Variants in NFATC1 observed in about 807,000 individuals in gnomAD.
The protein encoded by NFATC1 is nuclear factor of activated T cells 1.
NFATC1 carries 22 observed loss-of-function variants against 76.0 expected under a neutral mutation model. That is an observed-to-expected ratio of 0.29 (90% CI 0.21 to 0.41). The LOEUF is 0.41. NFATC1 is among the 10% of genes least tolerant of loss of function. The pLI, the probability that NFATC1 is intolerant of heterozygous loss-of-function variation, is 1.00. For synonymous variants in NFATC1, 704 were observed against 613.1 expected (o/e 1.15, Z -2.19); for missense variants, 1,357 against 1,337.7 (o/e 1.01, Z -0.23).
intron 2 of NFATC1, among the ~76,000 whole-genome samples, chr18:79,429,365 G>A (rs916387931): frequency 6.6e-6 from 1 of 151,976 alleles, no homozygotes; most frequent in East Asian, 1.9e-4. Flanking sequence ...AATTTCACCC[G>A]AGCTTTTTTT....
rs1471908907 is a variant in NFATC1 at position 79,453,890 on chromosome 18, G to T, written c.1903+2074G>T. On this transcript the variant is annotated intron_variant, in intron 6 of 9. Coordinates refer to ENST00000427363, the MANE Select transcript of NFATC1 (RefSeq NM_001278669.2). Reference sequence around the variant, plus strand: ...CACATAATTTTCTTCCTCCACTTCCGGCTTCTCAGGCGGGAGCCGTTGCTT... The same window carrying T: ...CACATAATTTTCTTCCTCCACTTCCTGCTTCTCAGGCGGGAGCCGTTGCTT... 2.0e-5 allele frequency among the ~76,000 whole-genome samples: 3 copies of T among 152,180 alleles called. No homozygotes were observed. The East Asian group carries it at 5.8e-4, about 29-fold the overall frequency.
chr18:79,446,652 TC>T (rs2087218497), intron 3 of NFATC1, among the ~76,000 whole-genome samples: 1 of 152,112 alleles, frequency 6.6e-6, no homozygotes, highest in Non-Finnish European at 1.5e-5. Flanking sequence ...GGTCCCAGCG[TC>T]CCCCGTCCTG....
At chr18:79,491,741 C>T (rs949737193) in intron 9 of NFATC1, among the ~76,000 whole-genome samples, 12 of 152,188 alleles carry the variant, frequency 7.9e-5, no homozygotes, top group Non-Finnish European at 1.5e-4. Flanking sequence ...CAGCCCTCTG[C>T]GAACCAAGCA....
chr18:79,476,973 TCGGA>T (rs1280770120), intron 8 of NFATC1, among the ~76,000 whole-genome samples: 1 of 152,218 alleles, frequency 6.6e-6, no homozygotes, highest in African/African-American at 2.4e-5. Flanking sequence ...CGGATGGAGT[TCGGA>T]AGGACCCTTC....
At chr18:79,462,347 T>G (rs1232040273) in intron 7 of NFATC1, among the ~76,000 whole-genome samples, 1 of 152,148 alleles carries the variant, frequency 6.6e-6, no homozygotes, top group African/African-American at 2.4e-5. Context: ...TTTGTTTTTG[T>G]TTTTTTGAAA....
intron 3 of NFATC1, among the ~76,000 whole-genome samples, chr18:79,436,203 C>T (rs1308919417): frequency 4.6e-5 from 7 of 152,240 alleles, no homozygotes; most frequent in Admixed American, 1.3e-4. Flanking sequence ...GCCCCTTTCC[C>T]GCTTTTCAGA....
intron 8 of NFATC1, among the ~76,000 whole-genome samples, chr18:79,475,446 GCTCA>G (rs955283195): frequency 1.3e-5 from 2 of 148,336 alleles, no homozygotes; most frequent in African/African-American, 5.0e-5. Context: ...GTGTTCTCAC[GCTCA>G]CTGTCAACGT....
intron 9 of NFATC1, among the ~76,000 whole-genome samples, chr18:79,511,394 A>G (rs2145174941): frequency 6.6e-6 from 1 of 152,224 alleles, no homozygotes; most frequent in Admixed American, 6.5e-5. Flanking sequence ...TACCTCCGTG[A>G]CTTTTCTATT....
chr18:79,464,682 G>GTATATATA (rs749147876), intron 7 of NFATC1, among the ~76,000 whole-genome samples: 4 of 100,802 alleles, frequency 4.0e-5, no homozygotes, highest in African/African-American at 1.8e-4. Context: ...ATATGTATGT[G>GTATATATA]TATATATATA....
At chr18:79,459,892 C>T (rs1568988662) in intron 6 of NFATC1, among the ~76,000 whole-genome samples, 1 of 152,212 alleles carries the variant, frequency 6.6e-6, no homozygotes, top group Non-Finnish European at 1.5e-5. Flanking sequence ...CCTGTGGCAT[C>T]AGCACCTGTG....
chr18:79,486,144 G>A, intron 8 of NFATC1, 104 bp from the exon 9 acceptor site: 2 of 1,017,510 alleles, frequency 2.0e-6, no homozygotes, highest in Non-Finnish European at 1.5e-6. Flanking sequence ...GAGGGACCCA[G>A]TCAGGGCCCT....
At chr18:79,430,387 G>C (rs1477810182) in intron 2 of NFATC1, among the ~76,000 whole-genome samples, 1 of 151,984 alleles carries the variant, frequency 6.6e-6, no homozygotes, top group Non-Finnish European at 1.5e-5. Context: ...TTTTGTTTTT[G>C]GTTTGTTTGT....
At chr18:79,419,914 T>C (rs897335057) in intron 2 of NFATC1, among the ~76,000 whole-genome samples, 2 of 152,228 alleles carry the variant, frequency 1.3e-5, no homozygotes, top group African/African-American at 4.8e-5. Flanking sequence ...TAACGTTTTT[T>C]GGATTCTTGA....
Position 79,486,077 on chromosome 18 carries a change from C to T in NFATC1, c.2093-171C>T, listed in dbSNP as rs550193103. ...GTATTAGAACCAGCTGCTACTCTCT[C>T]GGCCGATGACTCACGCCTTTTTTTT... is the stretch of plus-strand genomic sequence containing the variant. On this transcript the variant is annotated intron_variant, in intron 8 of 9. Transcript: ENST00000427363. Among the ~76,000 whole-genome samples the T allele has an allele frequency of 8.0e-5, 12 of 150,254 alleles. No homozygotes were observed. In the South Asian group the frequency reaches 2.3e-3, roughly 29 times the overall value.
chr18:79,458,343 C>T (rs1266291780), intron 6 of NFATC1, among the ~76,000 whole-genome samples: 1 of 151,416 alleles, frequency 6.6e-6, no homozygotes, highest in Non-Finnish European at 1.5e-5. Context: ...GGGAGCAGGG[C>T]AGGAGACGCC....
intron 2 of NFATC1, among the ~76,000 whole-genome samples, chr18:79,428,574 G>A (rs996926445): frequency 6.6e-6 from 1 of 152,206 alleles, no homozygotes; most frequent in Non-Finnish European, 1.5e-5. Flanking sequence ...CAACAACAGA[G>A]GGGAACAGCC....
intron 3 of NFATC1, among the ~76,000 whole-genome samples, chr18:79,442,812 C>G (rs1040289106): frequency 2.0e-5 from 3 of 152,166 alleles, no homozygotes; most frequent in Non-Finnish European, 4.4e-5. Flanking sequence ...CTCTGAGCAT[C>G]AAGAAACCCG....
At position 79,486,947 on chromosome 18, in the gene NFATC1, C is replaced by T. The variant is rs200725129; in HGVS notation, c.2782+10C>T. On this transcript the variant is annotated intron_variant, in intron 9 of 9. Transcript: ENST00000427363. ...TTGTACCTGGATGACGGTGAGTGCC[C>T]GCAGCCATGCAGGTGTGTGCCCCGC... is the stretch of plus-strand genomic sequence containing the variant. 64 of 1,581,990 alleles carry T rather than the reference C, an allele frequency of 4.0e-5. No homozygotes were observed. Among genetic ancestry groups the T allele is most frequent in the South Asian group, 6.9e-5 (6 of 86,564 alleles).
Position 79,448,660 on chromosome 18 carries a change from A to G in NFATC1, c.1387-122A>G, listed in dbSNP as rs1469291339. The stretch of plus-strand genomic sequence containing the variant: ...CACCAGTATGACATGGCAGAGAAAT[A>G]AAAAGGGGGCAGGGCAGGGGGACAC... On this transcript the variant is annotated intron_variant, in intron 3 of 9. Coordinates refer to ENST00000427363, the MANE Select transcript of NFATC1 (RefSeq NM_001278669.2). 4 of 900,542 alleles carry G rather than the reference A, an allele frequency of 4.4e-6. No homozygotes were observed. The African/African-American group carries it at 6.7e-5, about 15-fold the overall frequency. 55.8% of individuals were successfully genotyped at this position (900,542 alleles called of 1,614,324 possible). A position where few individuals can be genotyped will look rare whatever the true frequency, so the allele number is the denominator to read the frequency against.
Sources: allele counts gnomAD v4.1 joint callset (sites outside exome capture counted in the v4.1 genomes callset), GRCh38; gene constraint gnomAD v4.1.1; transcripts MANE v1.5; gene names NCBI Gene and HGNC (gene_info 2026-07-23, HGNC 2026-07-21).